FOXP2: variants seen among roughly 807,000 people sequenced by gnomAD.
FOXP2 encodes forkhead box protein P2.
In FOXP2, 12 loss-of-function variants were observed where a neutral mutation model predicts 115.8. The observed-to-expected ratio is 0.10, with a 90% CI of 0.07 to 0.17. FOXP2 has a LOEUF of 0.17. Among genes scored for constraint, FOXP2 ranks in the 10% least tolerant of loss-of-function variants. The pLI, the probability that FOXP2 is intolerant of heterozygous loss-of-function variation, is 1.00. For synonymous variants in FOXP2, 328 were observed against 297.7 expected (o/e 1.10, Z -1.05); for missense variants, 629 against 843.5 (o/e 0.75, Z 3.15).
At chr7:114,305,379 G>A (rs1373965622) in intron 2 of FOXP2, among the ~76,000 whole-genome samples, 1 of 151,866 alleles carries the variant, frequency 6.6e-6, no homozygotes, top group Non-Finnish European at 1.5e-5. Context: ...AGTAGTTTTC[G>A]AGTATTACAT....
chr7:114,500,066 T>C (rs774973899), intron 2 of FOXP2, among the ~76,000 whole-genome samples: 100 of 151,738 alleles, frequency 6.6e-4, no homozygotes, highest in Non-Finnish European at 1.2e-3. Context: ...ATACAAAAAA[T>C]TAGCCAGGCT....
chr7:114,110,358 A>G (rs1584484341), intron 1 of FOXP2, among the ~76,000 whole-genome samples: 1 of 152,192 alleles, frequency 6.6e-6, no homozygotes, highest in Non-Finnish European at 1.5e-5. Flanking sequence ...AAAATTAACC[A>G]CAAGATGTAT....
intron 1 of FOXP2, among the ~76,000 whole-genome samples, chr7:114,140,049 G>T (rs1179940830): frequency 6.6e-6 from 1 of 152,060 alleles, no homozygotes; most frequent in African/African-American, 2.4e-5. Flanking sequence ...AGAGGTGGAG[G>T]TTGCAGTGAG....
At chr7:114,377,188 G>T (rs1282071705) in intron 2 of FOXP2, among the ~76,000 whole-genome samples, 1 of 152,120 alleles carries the variant, frequency 6.6e-6, no homozygotes, top group Non-Finnish European at 1.5e-5. Flanking sequence ...GCGATTTCTA[G>T]CCGTTGATGA....
chr7:114,661,056 T>TTG (rs1223311383), intron 13 of FOXP2, among the ~76,000 whole-genome samples: 1 of 151,634 alleles, frequency 6.6e-6, no homozygotes. Context: ...CTTATGCTTT[T>TTG]TTTTTTTTTT....
intron 8 of FOXP2, among the ~76,000 whole-genome samples, chr7:114,651,676 T>C (rs1190348005): frequency 2.0e-5 from 3 of 152,144 alleles, no homozygotes; most frequent in Admixed American, 2.0e-4. Context: ...ATGAAGTTCT[T>C]TATTACTAAC....
intron 1 of FOXP2, among the ~76,000 whole-genome samples, chr7:114,169,505 G>A (rs1412144205): frequency 2.6e-5 from 4 of 152,168 alleles, no homozygotes; most frequent in Non-Finnish European, 4.4e-5. Flanking sequence ...CCCAATGCCT[G>A]TATCTTCATT....
At chr7:114,177,989 A>G (rs932661207) in intron 1 of FOXP2, among the ~76,000 whole-genome samples, 2 of 151,894 alleles carry the variant, frequency 1.3e-5, no homozygotes, top group African/African-American at 2.4e-5. Flanking sequence ...TTTATATAAT[A>G]TATTGCTAAA....
At chr7:114,128,485 C>T (rs901169467) in intron 1 of FOXP2, among the ~76,000 whole-genome samples, 3 of 150,842 alleles carry the variant, frequency 2.0e-5, no homozygotes, top group Admixed American at 2.0e-4. Context: ...TTGGAGTTGG[C>T]CTTTCTTACA....
chr7:114,333,103 A>G (rs1562875093), intron 2 of FOXP2, among the ~76,000 whole-genome samples: 1 of 152,314 alleles, frequency 6.6e-6, no homozygotes, highest in East Asian at 1.9e-4. Flanking sequence ...TCGGAGGAAT[A>G]ATAATATTTC....
intron 2 of FOXP2, among the ~76,000 whole-genome samples, chr7:114,497,351 T>A (rs1797364638): frequency 6.6e-6 from 1 of 152,132 alleles, no homozygotes; most frequent in South Asian, 2.1e-4. Context: ...AGGTCACTTT[T>A]AAAAGTTGCA....
In FOXP2 at chr7:114,465,685, T is replaced by A. The variant is rs926446520; in HGVS notation, c.168+39006T>A. Among the ~76,000 whole-genome samples, 7 of 152,210 alleles carry A rather than the reference T, an allele frequency of 4.6e-5. No homozygotes were observed. The South Asian group carries it at 6.2e-4, about 14-fold the overall frequency. On this transcript the variant is annotated intron_variant, in intron 2 of 16. Coordinates refer to ENST00000350908, the MANE Select transcript of FOXP2 (RefSeq NM_014491.4). ...TGAGCAATTTCAGATAGCCCAAAGA[T>A]AACAGCCTATCCAATCTTAGATTCC...
chr7:114,298,209 T>A (rs1796791820), intron 2 of FOXP2, among the ~76,000 whole-genome samples: 1 of 152,186 alleles, frequency 6.6e-6, no homozygotes, highest in South Asian at 2.1e-4. Flanking sequence ...AAACTGCAGA[T>A]CAGAGAACTT....
intron 1 of FOXP2, among the ~76,000 whole-genome samples, chr7:114,168,585 G>A (rs1793045247): frequency 6.6e-6 from 1 of 152,138 alleles, no homozygotes; most frequent in East Asian, 1.9e-4. Context: ...TTTCATGAGG[G>A]AAGCAGAGCA....
At chr7:114,119,922 ACTT>A (rs774531603) in intron 1 of FOXP2, among the ~76,000 whole-genome samples, 5 of 152,088 alleles carry the variant, frequency 3.3e-5, no homozygotes, top group Non-Finnish European at 4.4e-5. Flanking sequence ...GCCTGATAAG[ACTT>A]CTTACAAGCT....
chr7:114,251,808 C>A (rs1366245846), intron 1 of FOXP2, among the ~76,000 whole-genome samples: 8 of 152,164 alleles, frequency 5.3e-5, no homozygotes, highest in Admixed American at 5.2e-4. Flanking sequence ...ATTGCCCTGG[C>A]CACAACTTCC....
intron 1 of FOXP2, among the ~76,000 whole-genome samples, chr7:114,116,192 C>T (rs1208072440): frequency 3.3e-5 from 5 of 152,092 alleles, no homozygotes; most frequent in Non-Finnish European, 7.4e-5. Flanking sequence ...CCTCATGGTC[C>T]TACAGGAGGG....
chr7:114,380,928 G>C (rs552906098), intron 2 of FOXP2, among the ~76,000 whole-genome samples: 4 of 152,194 alleles, frequency 2.6e-5, no homozygotes, highest in Non-Finnish European at 5.9e-5. Flanking sequence ...AGCTATTCCT[G>C]TTTTTTCTGT....
At chr7:114,450,594 C>T (rs1584750673) in intron 2 of FOXP2, among the ~76,000 whole-genome samples, 2 of 151,976 alleles carry the variant, frequency 1.3e-5, no homozygotes, top group Admixed American at 1.3e-4. Context: ...AAGTTTCGGT[C>T]AAGAGGTCAT....
Sources: gnomAD v4.1 joint callset for allele counts (sites outside exome capture counted in the v4.1 genomes callset) on GRCh38, gnomAD v4.1.1 for gene constraint, MANE v1.5 for transcripts, NCBI Gene and HGNC (gene_info 2026-07-23, HGNC 2026-07-21) for gene names.